Variants in FSTL5 observed in about 807,000 individuals in gnomAD.
FSTL5 encodes follistatin like 5, also known as follistatin-related protein 5.
Under a neutral mutation model 89.1 loss-of-function variants are expected in FSTL5, and 62 were observed. That is an observed-to-expected ratio of 0.70 (90% CI 0.57 to 0.86). FSTL5 has a LOEUF of 0.86. Among genes scored for constraint, FSTL5 ranks in the 40% least tolerant of loss-of-function variants. The pLI is 0.00. For synonymous variants in FSTL5, 383 were observed against 346.2 expected (o/e 1.11, Z -1.18); for missense variants, 1,057 against 1,001.6 (o/e 1.06, Z -0.75).
intron 6 of FSTL5, among the ~76,000 whole-genome samples, chr4:161,758,664 C>T (rs776491315): frequency 4.6e-5 from 7 of 152,082 alleles, no homozygotes; most frequent in East Asian, 1.9e-4. Context: ...ATTACAGGCG[C>T]GCAGCACCAC....
intron 4 of FSTL5, among the ~76,000 whole-genome samples, chr4:161,849,942 A>T (rs1731497744): frequency 6.6e-6 from 1 of 152,178 alleles, no homozygotes; most frequent in Admixed American, 6.5e-5. Flanking sequence ...TAACATGACA[A>T]AATCAAGGAA....
intron 6 of FSTL5, among the ~76,000 whole-genome samples, chr4:161,727,977 T>C (rs1739476939): frequency 6.6e-6 from 1 of 152,136 alleles, no homozygotes; most frequent in African/African-American, 2.4e-5. Flanking sequence ...AGCTAGACTC[T>C]GTCTCAAACA....
intron 8 of FSTL5, among the ~76,000 whole-genome samples, chr4:161,569,797 A>ACC (rs1449564173): frequency 9.0e-6 from 1 of 110,750 alleles, no homozygotes; most frequent in African/African-American, 3.5e-5. Context: ...ACACACACAC[A>ACC]CACCCCACAT....
At chr4:161,436,941 C>T (rs1732578368) in intron 15 of FSTL5, among the ~76,000 whole-genome samples, 2 of 152,048 alleles carry the variant, frequency 1.3e-5, no homozygotes, top group Admixed American at 6.6e-5. Flanking sequence ...GTACCATATG[C>T]CAGGCAATAA....
chr4:161,434,854 A>G (rs190091551), intron 15 of FSTL5, among the ~76,000 whole-genome samples: 118 of 152,246 alleles, frequency 7.8e-4, no homozygotes, highest in African/African-American at 2.7e-3. Context: ...GAGAAACGCA[A>G]ATCAACACTG....
At chr4:161,703,803 T>C (rs1431928739) in intron 6 of FSTL5, among the ~76,000 whole-genome samples, 1 of 152,190 alleles carries the variant, frequency 6.6e-6, no homozygotes, top group East Asian at 1.9e-4. Context: ...TTGGGACTTA[T>C]GATATATACC....
chr4:161,990,163 A>G (rs1736071633), intron 3 of FSTL5, among the ~76,000 whole-genome samples: 1 of 152,142 alleles, frequency 6.6e-6, no homozygotes, highest in Non-Finnish European at 1.5e-5. Context: ...TAGTGGTGCT[A>G]GGTTTTTGAA....
intron 15 of FSTL5, among the ~76,000 whole-genome samples, chr4:161,393,365 T>C (rs141214778): frequency 2.0e-5 from 3 of 151,990 alleles, no homozygotes; most frequent in African/African-American, 7.2e-5. Context: ...GTACACTGTG[T>C]AAAACACTAT....
At chr4:161,816,707 T>A (rs1199094106) in intron 4 of FSTL5, among the ~76,000 whole-genome samples, 3 of 152,006 alleles carry the variant, frequency 2.0e-5, no homozygotes, top group Admixed American at 2.0e-4. Context: ...GCAAACAAAG[T>A]GAAAATGAAT....
At chr4:161,448,647 T>A (rs1733041528) in intron 15 of FSTL5, among the ~76,000 whole-genome samples, 1 of 152,156 alleles carries the variant, frequency 6.6e-6, no homozygotes, top group South Asian at 2.1e-4. Flanking sequence ...GCCGGAGCGG[T>A]GTCCGCTACT....
At chr4:162,124,946 G>A (rs190439978) in intron 1 of FSTL5, among the ~76,000 whole-genome samples, 6 of 152,236 alleles carry the variant, frequency 3.9e-5, no homozygotes, top group Non-Finnish European at 7.4e-5. Context: ...CTCGTGATCC[G>A]CCCGCCTTGG....
intron 3 of FSTL5, among the ~76,000 whole-genome samples, chr4:162,002,438 C>A (rs1041878034): frequency 2.0e-5 from 3 of 152,182 alleles, no homozygotes; most frequent in African/African-American, 4.8e-5. Flanking sequence ...AGGCTATCCA[C>A]AATATCTTGT....
chr4:162,091,323 A>G (rs561859495), intron 2 of FSTL5, among the ~76,000 whole-genome samples: 1 of 152,248 alleles, frequency 6.6e-6, no homozygotes, highest in South Asian at 2.1e-4. Context: ...ACTTACATAA[A>G]TGATATTAGT....
At chr4:161,825,931 GTTTGTT>G (rs901305077) in intron 4 of FSTL5, among the ~76,000 whole-genome samples, 29 of 151,802 alleles carry the variant, frequency 1.9e-4, no homozygotes, top group Middle Eastern at 3.4e-3. Flanking sequence ...TTTGTCTTTG[GTTTGTT>G]TTTATTTCTC....
At chr4:162,110,454 G>A (rs1434447494) in intron 2 of FSTL5, among the ~76,000 whole-genome samples, 1 of 150,234 alleles carries the variant, frequency 6.7e-6, no homozygotes, top group South Asian at 2.1e-4. Context: ...AATTCCAAGG[G>A]GAAAAAAAAT....
intron 8 of FSTL5, among the ~76,000 whole-genome samples, chr4:161,546,173 GA>G (rs546014771): frequency 2.5e-3 from 376 of 150,416 alleles, no homozygotes; most frequent in South Asian, 0.022. Flanking sequence ...AGTTAAGTCA[GA>G]AAAAAATCAT....
chr4:161,432,209 C>T (rs374875348), intron 15 of FSTL5, among the ~76,000 whole-genome samples: 1 of 151,972 alleles, frequency 6.6e-6, no homozygotes, highest in East Asian at 1.9e-4. Context: ...TATGTTAAGT[C>T]ACAAATGAGT....
chr4:161,777,299 G>A (rs532317133), intron 4 of FSTL5, among the ~76,000 whole-genome samples: 1 of 149,448 alleles, frequency 6.7e-6, no homozygotes, highest in East Asian at 2.0e-4. Context: ...ATTGGCTGAT[G>A]AACACTTAGG....
intron 15 of FSTL5, among the ~76,000 whole-genome samples, chr4:161,437,943 G>A (rs781360509): frequency 7.9e-5 from 12 of 152,118 alleles, no homozygotes; most frequent in Non-Finnish European, 1.5e-4. Flanking sequence ...CAATTGAGAC[G>A]GAAGACTTAC....
Sources: allele counts gnomAD v4.1 joint callset (sites outside exome capture counted in the v4.1 genomes callset), GRCh38; gene constraint gnomAD v4.1.1; transcripts MANE v1.5; gene names NCBI Gene and HGNC (gene_info 2026-07-23, HGNC 2026-07-21).